The following LRRC34 variants were observed in gnomAD, a reference collection of about 807,000 sequenced individuals.
LRRC34 encodes leucine rich repeat containing 34, also known as leucine-rich repeat-containing protein 34.
LRRC34 carries 44 observed loss-of-function variants against 48.5 expected under a neutral mutation model. The ratio of observed to expected loss-of-function variants is 0.91; its 90% CI spans 0.71 to 1.17. The LOEUF is 1.17. Among genes scored for constraint, LRRC34 ranks in the 50% most tolerant of loss-of-function variants. The probability of loss-of-function intolerance (pLI) is 0.00; values close to 1 mark genes in which losing one functional copy is unlikely to be tolerated. For synonymous variants in LRRC34, 192 were observed against 197.6 expected, an observed-to-expected ratio of 0.97 and a Z score of 0.24; for missense variants, 502 against 563.0, an observed-to-expected ratio of 0.89 and a Z score of 1.10.
At chr3:169,804,252 A>G in intron 5 of LRRC34, 71 bp from the exon 6 acceptor site, 2 of 1,264,702 alleles carry the variant, frequency 1.6e-6, no homozygotes, top group Non-Finnish European at 2.1e-6. Flanking sequence ...GAATTAGGAG[A>G]CTGTATTACT....
chr3:169,793,530 G>GA lies in LRRC34; in HGVS notation c.*104dup. The GA allele has an allele frequency of 2.4e-6, 2 of 843,914 alleles. No homozygotes were observed. Among genetic ancestry groups the GA allele is most frequent in the Admixed American group, 3.1e-5 (1 of 32,710 alleles). 52.3% of individuals were successfully genotyped at this position (843,914 alleles called of 1,614,324 possible). A position where few individuals can be genotyped will look rare whatever the true frequency, so the allele number is the denominator to read the frequency against. The stretch of plus-strand genomic sequence containing the variant: ...TACAGTCATTATCTTTTACACATTT[G>GA]AAAAAAGTAACTTGTTTTAATTTAT... On this transcript the variant is annotated 3_prime_UTR_variant, in exon 11 of 11. Transcript: ENST00000446859.
chr3:169,812,376 G>A lies in LRRC34; in HGVS notation c.139+34C>T. On this transcript the variant is annotated intron_variant, in intron 1 of 10. Transcript: ENST00000446859. The surrounding 1 kb of genome is among the most constrained non-coding windows in gnomAD (Gnocchi z 4.3). Reference sequence around the variant, plus strand: ...GGCGCCCCTCGCGCGTTTTGTCTGGGCCAGGCCGCGCAGACGTGCTCCCTA... The same window carrying A: ...GGCGCCCCTCGCGCGTTTTGTCTGGACCAGGCCGCGCAGACGTGCTCCCTA... 3 of 1,517,358 alleles carry A rather than the reference G, an allele frequency of 2.0e-6. No individual in the cohort carries two copies. Among genetic ancestry groups the A allele is most frequent in the Non-Finnish European group, 2.6e-6 (3 of 1,139,536 alleles). 94.0% of individuals were successfully genotyped at this position (1,517,358 alleles called of 1,614,324 possible).
intron 5 of LRRC34, 117 bp from the exon 6 acceptor site, chr3:169,804,298 G>A (rs893710891): frequency 2.9e-5 from 24 of 814,694 alleles, no homozygotes; most frequent in South Asian, 1.7e-4. Flanking sequence ...GCTAGAACAC[G>A]ATATATATTT....
At chr3:169,810,783 G>T (rs973151686) in intron 1 of LRRC34, among the ~76,000 whole-genome samples, 1 of 152,228 alleles carries the variant, frequency 6.6e-6, no homozygotes, top group Non-Finnish European at 1.5e-5. Context: ...CTGCATTTCC[G>T]GCCGGGTGCG....
chr3:169,811,484 A>G (rs1304689275), intron 1 of LRRC34, among the ~76,000 whole-genome samples: 1 of 152,212 alleles, frequency 6.6e-6, no homozygotes, highest in Non-Finnish European at 1.5e-5. Context: ...CCTATATTGT[A>G]TTCATATTAG....
At position 169,812,309 on chromosome 3, in the gene LRRC34, T is replaced by G; in HGVS notation, c.139+101A>C. On this transcript the variant is annotated intron_variant, in intron 1 of 10. Transcript: ENST00000446859. The surrounding 1 kb of genome is among the most constrained non-coding windows in gnomAD (Gnocchi z 4.3). ...GGGCCCCCCTCCCGCCTCGACGCCTTGGGCTGGCGGGCTGCTGGGAGGACT... is the reference window on the plus strand; with the variant it reads ...GGGCCCCCCTCCCGCCTCGACGCCTGGGGCTGGCGGGCTGCTGGGAGGACT... 2 of 1,397,918 alleles carry G rather than the reference T, an allele frequency of 1.4e-6. No individual in the cohort carries two copies. The highest frequency in any genetic ancestry group is 2.6e-4 in the Middle Eastern group (1 of 3,844). The allele number at this position is 1,397,918 out of a possible 1,614,324, so 86.6% of individuals were successfully genotyped here.
intron 4 of LRRC34, 47 bp downstream of exon 4, chr3:169,807,379 G>T: frequency 6.6e-7 from 1 of 1,505,320 alleles, no homozygotes; most frequent in Non-Finnish European, 9.2e-7. Context: ...TAGACTAATT[G>T]GTTTCATTGT....
chr3:169,812,469 G>A lies in LRRC34; in HGVS notation c.80C>T (p.Ser27Phe), dbSNP rs1024316852. The A allele has an allele frequency of 1.3e-6, 2 of 1,529,920 alleles. No homozygotes were observed. The highest frequency in any genetic ancestry group is 8.7e-7 in the Non-Finnish European group (1 of 1,144,688). The allele number at this position is 1,529,920 out of a possible 1,614,324, so 94.8% of individuals were successfully genotyped here. The part of the protein sequence containing the change: ...SREAARAPAR[S>F]PAWASTQAST... The stretch of plus-strand genomic sequence containing the variant: ...GGCCTGAGTGGAGGCCCAAGCCGGG[G>A]ACCTGGCCGGCGCACGGGCGGCCTC... Residue 27 changes from serine to phenylalanine, a missense_variant, in exon 1 of 11, where the codon TCC (serine) becomes TTC (phenylalanine). Ser to Phe is a radical substitution (Grantham distance 155). Transcript: ENST00000446859. This position sits in a 1 kb window ranked among gnomAD's most constrained non-coding sequence, Gnocchi z 4.3.
At chr3:169,811,351 T>G (rs1779560984) in intron 1 of LRRC34, among the ~76,000 whole-genome samples, 1 of 152,214 alleles carries the variant, frequency 6.6e-6, no homozygotes, top group Non-Finnish European at 1.5e-5. Flanking sequence ...TATGGAAATA[T>G]TCTTATTTAA....
rs1400887224 is a variant in LRRC34, at chr3:169,804,292, G to A, written c.529-111C>T. ...GCAGACTCCAATTTTCATGGAGCTA[G>A]AACACGATATATATTTTTTTTGAGA... On this transcript the variant is annotated intron_variant, in intron 5 of 10. Transcript: ENST00000446859. 10 of 850,068 alleles carry A rather than the reference G, an allele frequency of 1.2e-5. No individual in the cohort carries two copies. The South Asian group carries it at 2.6e-4, about 22-fold the overall frequency. The allele number at this position is 850,068 out of a possible 1,614,324, so 52.7% of individuals were successfully genotyped here.
intron 7 of LRRC34, among the ~76,000 whole-genome samples, chr3:169,799,639 AGAGT>A (rs1244730065): frequency 1.3e-5 from 2 of 152,220 alleles, no homozygotes; most frequent in African/African-American, 4.8e-5. Flanking sequence ...CCTGGGTGAC[AGAGT>A]GAGACCTCAT....
chr3:169,810,578 C>T (rs1384061367), intron 1 of LRRC34, among the ~76,000 whole-genome samples: 1 of 152,064 alleles, frequency 6.6e-6, no homozygotes, highest in Non-Finnish European at 1.5e-5. Flanking sequence ...CAATATTTCC[C>T]AAACTGTATT....
Position 169,812,534 on chromosome 3 carries a change from C to T in LRRC34, c.15G>A (p.Pro5=). The stretch of plus-strand genomic sequence containing the variant: ...TGCTCCTCTCACCCACTGGCCGCGG[C>T]GGCTGCGCTGCCATGGCGACCGCGC... The part of the protein sequence containing the change: MAAQ[P]PRPVGERSMG... The change falls in exon 1 of 11, where the codon CCG becomes CCA. Residue 5 remains proline, a synonymous_variant. Transcript: ENST00000446859. This position sits in a 1 kb window ranked among gnomAD's most constrained non-coding sequence, Gnocchi z 4.3. The T allele has an allele frequency of 1.3e-6, 2 of 1,503,690 alleles. No homozygotes were observed. Among genetic ancestry groups the T allele is most frequent in the African/African-American group, 2.9e-5 (2 of 69,492 alleles). 93.1% of individuals were successfully genotyped at this position (1,503,690 alleles called of 1,614,324 possible).
In LRRC34 at chr3:169,807,606, T is replaced by G. The variant is rs768315371; in HGVS notation, c.361A>C (p.Asn121His). The G allele has an allele frequency of 1.2e-5, 20 of 1,611,378 alleles. No homozygotes were observed. The highest frequency in any genetic ancestry group is 1.6e-5 in the Non-Finnish European group (19 of 1,179,164). The stretch of plus-strand genomic sequence containing the variant: ...AACATACCATTAATATACAGACAAT[T>G]CTTTAAAATTTTGGAAAGAATCCAA... ...DFWILSKILK[N>H]CLYINGLDVG... Residue 121 changes from asparagine to histidine, a missense_variant, in exon 3 of 11, where the codon AAT becomes CAT. Asn to His is a moderately conservative substitution (Grantham distance 68). Transcript: ENST00000446859.
chr3:169,800,528 T>C, intron 7 of LRRC34, 131 bp downstream of exon 7: 1 of 472,094 alleles, frequency 2.1e-6, no homozygotes, highest in Non-Finnish European at 3.7e-6. Flanking sequence ...TTTTTATAAA[T>C]AGTAGTTTAC....
chr3:169,808,309 A>G (rs1473599435), intron 2 of LRRC34, among the ~76,000 whole-genome samples: 1 of 143,054 alleles, frequency 7.0e-6, no homozygotes, highest in Non-Finnish European at 1.5e-5. Flanking sequence ...GGGAGGCACC[A>G]TCTCAGAAAA....
In LRRC34 at chr3:169,796,837, G is replaced by A. The variant is rs781178804; in HGVS notation, c.816C>T (p.His272=). ...TGTTTTTTATATCATGCTTACACAT[G>A]TGTAGTGCAACAAGACAGTGATTTT... ...LKENHCLVAL[H]MCKHDIKNSG... The change falls in exon 8 of 11, where the codon CAC becomes CAT. Residue 272 remains histidine, a synonymous_variant. Coordinates refer to ENST00000446859, the MANE Select transcript of LRRC34 (RefSeq NM_001172779.2). 6.2e-7 allele frequency: 1 copy of A among 1,610,526 alleles called. No homozygotes were observed. Among genetic ancestry groups the A allele is most frequent in the Non-Finnish European group, 8.5e-7 (1 of 1,178,484 alleles).
At position 169,807,303 on chromosome 3, in the gene LRRC34, G is replaced by C. The variant is rs774910081; in HGVS notation, c.444+123C>G. 8.9e-6 allele frequency: 8 copies of C among 903,054 alleles called. No individual in the cohort carries two copies. In the East Asian group the frequency reaches 1.0e-4, roughly 12 times the overall value. The allele number at this position is 903,054 out of a possible 1,614,324, so 55.9% of individuals were successfully genotyped here. A position where few individuals can be genotyped will look rare whatever the true frequency, so the allele number is the denominator to read the frequency against. On this transcript the variant is annotated intron_variant, in intron 4 of 10. Transcript: ENST00000446859. ...CCACAATGGGTTTCCAGTATATTTC[G>C]AGTGTTCTAGCACAGAGTCAGGACC... is the stretch of plus-strand genomic sequence containing the variant.
In LRRC34 at chr3:169,807,614, A is replaced by C; in HGVS notation, c.353T>G (p.Ile118Ser). The change falls in exon 3 of 11, where the codon ATT becomes AGT. Residue 118 changes from isoleucine to serine, a missense_variant. Physicochemically the swap from Ile to Ser is moderately radical, Grantham distance 142 (BLOSUM62 -2). Transcript: ENST00000446859. Reference protein sequence around the residue: ...TGEDFWILSKILKNCLYINGL... With the variant: ...TGEDFWILSKSLKNCLYINGL... ...ATTAATATACAGACAATTCTTTAAA[A>C]TTTTGGAAAGAATCCAAAAATCTTC... 6.2e-7 allele frequency: 1 copy of C among 1,610,944 alleles called. No homozygotes were observed. Among genetic ancestry groups the C allele is most frequent in the African/African-American group, 1.3e-5 (1 of 74,540 alleles).
Sources: gnomAD v4.1 joint callset for allele counts (sites outside exome capture counted in the v4.1 genomes callset) on GRCh38, gnomAD v4.1.1 for gene constraint, Gnocchi (gnomAD v3.1) non-coding constraint, MANE v1.5 for transcripts, NCBI Gene and HGNC (gene_info 2026-07-23, HGNC 2026-07-21) for gene names.